The following TTLL11 variants were observed in gnomAD, a reference collection of about 807,000 sequenced individuals.
TTLL11 encodes tubulin tyrosine ligase like 11, also known as tubulin polyglutamylase TTLL11.
Under a neutral mutation model 51.7 loss-of-function variants are expected in TTLL11, and 42 were observed. The observed-to-expected ratio is 0.81, with a 90% confidence interval of 0.64 to 1.05. The LOEUF is 1.05. Ranked by LOEUF, TTLL11 falls within the 50% of genes least tolerant of loss-of-function variation. The probability of loss-of-function intolerance (pLI) is 0.00; values close to 1 mark genes in which losing one functional copy is unlikely to be tolerated. For synonymous variants in TTLL11, 381 were observed against 383.5 expected, an observed-to-expected ratio of 0.99 and a Z score of 0.08; for missense variants, 799 against 940.4, an observed-to-expected ratio of 0.85 and a Z score of 1.97.
chr9:122,066,472 C>G (rs1845585941), intron 1 of TTLL11, among the ~76,000 whole-genome samples: 1 of 151,902 alleles, frequency 6.6e-6, no homozygotes. Flanking sequence ...GGGTGGAGAC[C>G]ACGGAAAGAT....
At chr9:121,841,339 C>T (rs1188734343) in intron 8 of TTLL11, among the ~76,000 whole-genome samples, 1 of 152,152 alleles carries the variant, frequency 6.6e-6, no homozygotes, top group Non-Finnish European at 1.5e-5. Flanking sequence ...CAGGCAAACC[C>T]TCCAGCGCCC....
chr9:121,851,496 A>AT (rs1454340171), intron 8 of TTLL11, among the ~76,000 whole-genome samples: 2 of 152,254 alleles, frequency 1.3e-5, no homozygotes, highest in East Asian at 1.9e-4. Flanking sequence ...AAGCCTATTA[A>AT]TTTTTTAAAA....
chr9:122,039,927 G>A (rs1237818372), intron 1 of TTLL11, among the ~76,000 whole-genome samples: 1 of 151,806 alleles, frequency 6.6e-6, no homozygotes, highest in Non-Finnish European at 1.5e-5. Flanking sequence ...TATGCTCCAT[G>A]AGGGTAAGAT....
At chr9:121,857,041 G>C (rs1024254925) in intron 8 of TTLL11, among the ~76,000 whole-genome samples, 1 of 152,222 alleles carries the variant, frequency 6.6e-6, no homozygotes, top group East Asian at 1.9e-4. Context: ...GGCCCTGGCT[G>C]GCACCAGCAG....
intron 3 of TTLL11, among the ~76,000 whole-genome samples, chr9:121,993,513 C>T (rs900994837): frequency 1.3e-5 from 2 of 152,222 alleles, no homozygotes; most frequent in Non-Finnish European, 2.9e-5. Flanking sequence ...CCCTGGCTTC[C>T]GCCAGCGAGC....
chr9:121,961,963 G>A (rs1842242870), intron 6 of TTLL11, among the ~76,000 whole-genome samples: 1 of 152,168 alleles, frequency 6.6e-6, no homozygotes, highest in Non-Finnish European at 1.5e-5. Context: ...GGCTGAGGCA[G>A]GAGAACCACT....
intron 6 of TTLL11, among the ~76,000 whole-genome samples, chr9:121,934,912 G>A (rs1215009832): frequency 1.3e-5 from 2 of 152,132 alleles, no homozygotes; most frequent in African/African-American, 2.4e-5. Flanking sequence ...ATGTGGCAGT[G>A]ATGAATAATG....
rs1837970668 is a variant in TTLL11 at position 121,860,418 on chromosome 9, GGCT to G, written c.1756_1758del (p.Ser586del). Reference sequence around the variant, plus strand: ...AGGATGTCCACGGCAGCCATGGACAGGCTGCTGCTGCTGAGTTTGCAGCTCCTG... The same window carrying G: ...AGGATGTCCACGGCAGCCATGGACAGGCTGCTGCTGAGTTTGCAGCTCCTG... On this transcript the variant is annotated inframe_deletion, in exon 8 of 9. Transcript: ENST00000321582. 1 of 1,551,206 alleles carries G rather than the reference GGCT, an allele frequency of 6.4e-7. No homozygotes were observed.
intron 1 of TTLL11, among the ~76,000 whole-genome samples, chr9:122,042,462 C>T (rs1844872883): frequency 6.6e-6 from 1 of 152,248 alleles, no homozygotes; most frequent in South Asian, 2.1e-4. Flanking sequence ...ACCCTCATTC[C>T]TTTCTGGTGG....
At chr9:121,911,401 G>GA (rs1054085969) in intron 6 of TTLL11, among the ~76,000 whole-genome samples, 8 of 149,036 alleles carry the variant, frequency 5.4e-5, no homozygotes, top group East Asian at 1.9e-4. Context: ...CATCTCAGGA[G>GA]AAAAAAAAAA....
chr9:121,891,609 C>T (rs970524068), intron 6 of TTLL11, among the ~76,000 whole-genome samples: 7 of 152,178 alleles, frequency 4.6e-5, no homozygotes, highest in South Asian at 4.1e-4. Context: ...GCATAGAAAA[C>T]GTCCAAGTTC....
rs111331446 is a variant in TTLL11, at chr9:121,897,640, A to ACACACACACACACACACACACGCG, written c.1482-26893_1482-26892insCGCGTGTGTGTGTGTGTGTGTGTG. Reference sequence around the variant, plus strand: ...CAGGCACACACACACACACACACACACGCGCGCGCGAAGTCTCCAACTGCC... The same window carrying ACACACACACACACACACACACGCG: ...CAGGCACACACACACACACACACACACACACACACACACACACACACGCGCGCGCGCGCGAAGTCTCCAACTGCC... On this transcript the variant is annotated intron_variant, in intron 6 of 8. Coordinates refer to ENST00000321582, the MANE Select transcript of TTLL11 (RefSeq NM_001139442.2). 4.3e-3 allele frequency among the ~76,000 whole-genome samples: 594 copies of ACACACACACACACACACACACGCG among 139,348 alleles called. 3 individuals carry two copies. The highest frequency in any genetic ancestry group is 6.4e-3 in the Non-Finnish European group (410 of 64,004). 91.4% of individuals were successfully genotyped at this position (139,348 alleles called of 152,430 possible). A position where few individuals can be genotyped will look rare whatever the true frequency, so the allele number is the denominator to read the frequency against.
intron 6 of TTLL11, among the ~76,000 whole-genome samples, chr9:121,888,821 G>A (rs1344433143): frequency 1.3e-5 from 2 of 152,238 alleles, no homozygotes; most frequent in Admixed American, 6.5e-5. Flanking sequence ...ATGGACTGGA[G>A]GTTGTGGCTG....
intron 1 of TTLL11, among the ~76,000 whole-genome samples, chr9:122,086,035 T>C (rs1051174892): frequency 2.0e-5 from 3 of 152,232 alleles, no homozygotes; most frequent in Non-Finnish European, 4.4e-5. Context: ...TGATTAAATT[T>C]TTGCCTTAAA....
At chr9:121,896,605 T>C (rs1405432203) in intron 6 of TTLL11, among the ~76,000 whole-genome samples, 2 of 152,190 alleles carry the variant, frequency 1.3e-5, no homozygotes, top group African/African-American at 2.4e-5. Context: ...CTCACACTTC[T>C]GGGTCCGAGG....
chr9:121,860,862 G>A (rs1429442113), intron 7 of TTLL11, among the ~76,000 whole-genome samples: 5 of 152,184 alleles, frequency 3.3e-5, no homozygotes, highest in African/African-American at 1.2e-4. Context: ...TGTTCTAGCA[G>A]CCTGAACCGA....
chr9:121,932,341 G>A (rs1250041785), intron 6 of TTLL11, among the ~76,000 whole-genome samples: 1 of 152,200 alleles, frequency 6.6e-6, no homozygotes, highest in Non-Finnish European at 1.5e-5. Flanking sequence ...TGTATTCTTT[G>A]TTGGAGACAC....
At chr9:122,065,776 G>C (rs1007728951) in intron 1 of TTLL11, among the ~76,000 whole-genome samples, 1 of 152,170 alleles carries the variant, frequency 6.6e-6, no homozygotes, top group African/African-American at 2.4e-5. Context: ...TAATGGAGGG[G>C]GTGGCCTGAC....
chr9:122,009,846 C>T (rs546314454), intron 3 of TTLL11, among the ~76,000 whole-genome samples: 5 of 152,014 alleles, frequency 3.3e-5, no homozygotes, highest in African/African-American at 1.2e-4. Context: ...AAATCTAAAT[C>T]CAGTCCATGA....
Sources: allele counts gnomAD v4.1 joint callset (sites outside exome capture counted in the v4.1 genomes callset), GRCh38; gene constraint gnomAD v4.1.1; transcripts MANE v1.5; gene names NCBI Gene and HGNC (gene_info 2026-07-23, HGNC 2026-07-21).